The following SLC25A32 variants were observed in gnomAD, a reference collection of about 807,000 sequenced individuals.
The protein encoded by SLC25A32 is solute carrier family 25 member 32, also known as Glycine auxotroph B, complementation of hamster.
In SLC25A32, 32 loss-of-function variants were observed where a neutral mutation model predicts 39.0. That is an observed-to-expected ratio of 0.82 (90% CI 0.62 to 1.10). The LOEUF (loss-of-function observed/expected upper bound fraction) is 1.10, where lower values mean the gene tolerates loss of function less well. Among genes scored for constraint, SLC25A32 ranks in the 50% least tolerant of loss-of-function variants. SLC25A32 has a pLI of 0.00. For missense variants in SLC25A32, 367 were observed against 395.3 expected (o/e 0.93, Z 0.61); for synonymous variants, 166 against 152.4 (o/e 1.09, Z -0.66).
Position 103,400,251 on chromosome 8 carries a change from A to G in SLC25A32, c.*160T>C. 1 of 812,418 alleles carries G rather than the reference A, an allele frequency of 1.2e-6. No homozygotes were observed. The highest frequency in any genetic ancestry group is 1.9e-6 in the Non-Finnish European group (1 of 527,860). 50.3% of individuals were successfully genotyped at this position (812,418 alleles called of 1,614,324 possible). A position where few individuals can be genotyped will look rare whatever the true frequency, so the allele number is the denominator to read the frequency against. On this transcript the variant is annotated 3_prime_UTR_variant, in exon 7 of 7. Coordinates refer to ENST00000297578, the MANE Select transcript of SLC25A32 (RefSeq NM_030780.5). ...TATATGGGGAAGGCAAAAAGCAAGA[A>G]AAACATTGCAGGAGACTTAGCAGTT...
intron 6 of SLC25A32, 46 bp downstream of exon 6, chr8:103,401,470 C>A: frequency 6.3e-7 from 1 of 1,581,448 alleles, no homozygotes; most frequent in South Asian, 1.2e-5. Context: ...CTAAGATATG[C>A]AAGGTACCTT....
In SLC25A32 at chr8:103,415,060, G is replaced by A. The variant is rs555069499; in HGVS notation, c.-123C>T. The A allele has an allele frequency of 1.9e-6, 3 of 1,602,240 alleles. No homozygotes were observed. Among genetic ancestry groups the A allele is most frequent in the South Asian group, 2.2e-5 (2 of 90,408 alleles). ...AACCCCACCTCCGGGACCAACGAGA[G>A]GACTCTTATGCCCAAGGCGCGTGAG... On this transcript the variant is annotated 5_prime_UTR_variant, in exon 1 of 7. Transcript: ENST00000297578.
Position 103,414,809 on chromosome 8 carries a change from GAGCGGATGC to G in SLC25A32, c.120_128del (p.His41_Leu43del). On this transcript the variant is annotated inframe_deletion, in exon 1 of 7. Coordinates refer to ENST00000297578, the MANE Select transcript of SLC25A32 (RefSeq NM_030780.5). ...CGGCGAAGCGGATCTTCACGAGGTC[GAGCGGATGC>G]AGCGCAAGGTTGGATAAGACGCCGC... is the stretch of plus-strand genomic sequence containing the variant. 2 of 1,613,808 alleles carry G rather than the reference GAGCGGATGC, an allele frequency of 1.2e-6. No individual in the cohort carries two copies. Among genetic ancestry groups the G allele is most frequent in the Non-Finnish European group, 1.7e-6 (2 of 1,180,046 alleles).
chr8:103,409,179 T>C (rs977683115), intron 1 of SLC25A32, among the ~76,000 whole-genome samples: 8 of 152,144 alleles, frequency 5.3e-5, no homozygotes, highest in East Asian at 1.9e-4. Context: ...AAGTAGAGTA[T>C]TAAGTATCTC....
intron 1 of SLC25A32, among the ~76,000 whole-genome samples, chr8:103,413,723 G>A (rs927973952): frequency 1.3e-5 from 2 of 152,096 alleles, no homozygotes; most frequent in Non-Finnish European, 2.9e-5. Context: ...AATTTTCGAT[G>A]ATTTTCCTTC....
intron 6 of SLC25A32, 59 bp downstream of exon 6, chr8:103,401,457 G>A: frequency 2.6e-6 from 4 of 1,511,016 alleles, no homozygotes; most frequent in Non-Finnish European, 3.6e-6. Flanking sequence ...TCAACAGGAT[G>A]GTCTAAGATA....
intron 1 of SLC25A32, among the ~76,000 whole-genome samples, chr8:103,413,370 T>C (rs1432017103): frequency 6.6e-6 from 1 of 152,176 alleles, no homozygotes; most frequent in Non-Finnish European, 1.5e-5. Context: ...CAGGTACTTA[T>C]AGAGGTAATA....
chr8:103,401,716 C>T, intron 5 of SLC25A32, 55 bp from the exon 6 acceptor site: 1 of 1,444,922 alleles, frequency 6.9e-7, no homozygotes, highest in Non-Finnish European at 9.3e-7. Context: ...TTTAAAAATA[C>T]AGAAGTAAAA....
At position 103,399,073 on chromosome 8, in the gene SLC25A32, G is replaced by A. The variant is rs978592629; in HGVS notation, c.*1338C>T. ...GTATTCTGGCATCCTTTGGGTACAGGCCCTTTTATATTTATAGATGTCTAC... is the reference window on the plus strand; with the variant it reads ...GTATTCTGGCATCCTTTGGGTACAGACCCTTTTATATTTATAGATGTCTAC... On this transcript the variant is annotated 3_prime_UTR_variant, in exon 7 of 7. Coordinates refer to ENST00000297578, the MANE Select transcript of SLC25A32 (RefSeq NM_030780.5). 8 of 152,076 alleles carry A rather than the reference G, an allele frequency of 5.3e-5. No individual in the cohort carries two copies. The highest frequency in any genetic ancestry group is 1.9e-4 in the African/African-American group (8 of 41,408). The allele number at this position is 152,076 out of a possible 1,614,324, so 9.4% of individuals were successfully genotyped here.
At chr8:103,408,593 C>A (rs1406728412) in intron 1 of SLC25A32, among the ~76,000 whole-genome samples, 1 of 152,066 alleles carries the variant, frequency 6.6e-6, no homozygotes, top group African/African-American at 2.4e-5. Flanking sequence ...CCTGGAAATT[C>A]TTTCTATCCT....
At position 103,400,089 on chromosome 8, in the gene SLC25A32, C is replaced by T. The variant is rs565851271; in HGVS notation, c.*322G>A. The T allele has an allele frequency of 5.1e-4, 157 of 307,142 alleles. 1 individual carries two copies. In the South Asian group the frequency reaches 5.9e-3, roughly 12 times the overall value. 19.0% of individuals were successfully genotyped at this position (307,142 alleles called of 1,614,324 possible). A position where few individuals can be genotyped will look rare whatever the true frequency, so the allele number is the denominator to read the frequency against. ...GTAAGCTCACAAAAAGAAGTACATT[C>T]ATCTAATCCATTTAGCAAATGTTGC... On this transcript the variant is annotated 3_prime_UTR_variant, in exon 7 of 7. Coordinates refer to ENST00000297578, the MANE Select transcript of SLC25A32 (RefSeq NM_030780.5).
chr8:103,404,272 C>G (rs1019524080), intron 3 of SLC25A32, among the ~76,000 whole-genome samples: 1 of 152,156 alleles, frequency 6.6e-6, no homozygotes, highest in Non-Finnish European at 1.5e-5. Context: ...GAAATCTGCA[C>G]AGAGTAATCA....
chr8:103,412,328 A>G (rs930964196), intron 1 of SLC25A32, among the ~76,000 whole-genome samples: 1 of 152,220 alleles, frequency 6.6e-6, no homozygotes, highest in Non-Finnish European at 1.5e-5. Flanking sequence ...TTTAACTTGC[A>G]GATTAGGCTT....
intron 1 of SLC25A32, among the ~76,000 whole-genome samples, chr8:103,409,014 T>C (rs1193816707): frequency 3.9e-5 from 6 of 152,178 alleles, no homozygotes. Context: ...TTCATCTCTC[T>C]GTAGGAAACA....
chr8:103,406,145 T>C (rs553949334), intron 2 of SLC25A32, among the ~76,000 whole-genome samples: 3 of 151,768 alleles, frequency 2.0e-5, no homozygotes, highest in Non-Finnish European at 2.9e-5. Context: ...TACACACATA[T>C]ATATGTCAAG....
At chr8:103,409,006 C>T (rs576275228) in intron 1 of SLC25A32, among the ~76,000 whole-genome samples, 2 of 152,284 alleles carry the variant, frequency 1.3e-5, no homozygotes, top group African/African-American at 4.8e-5. Context: ...CTTTTCATTT[C>T]ATCTCTCTGT....
chr8:103,402,066 T>C lies in SLC25A32; in HGVS notation c.553-12A>G, dbSNP rs759996940. The C allele has an allele frequency of 4.4e-6, 7 of 1,574,290 alleles. No individual in the cohort carries two copies. The highest frequency in any genetic ancestry group is 2.3e-5 in the East Asian group (1 of 44,036). ...CCAGGAACAAATCCCTACAAGGGAA[T>C]GATTTTTAAAAAGCAAAACAACATA... On this transcript the variant is annotated splice_polypyrimidine_tract_variant and intron_variant, in intron 4 of 6. Transcript: ENST00000297578.
Position 103,401,630 on chromosome 8 carries a change from A to C in SLC25A32, c.698T>G (p.Leu233Arg). 3 of 1,613,300 alleles carry C rather than the reference A, an allele frequency of 1.9e-6. No homozygotes were observed. The highest frequency in any genetic ancestry group is 2.5e-6 in the Non-Finnish European group (3 of 1,179,572). The change falls in exon 6 of 7, where the codon CTA (leucine) becomes CGA (arginine). Residue 233 changes from leucine (L) to arginine (R), a missense_variant. Coordinates refer to ENST00000297578, the MANE Select transcript of SLC25A32 (RefSeq NM_030780.5). ...TGCTGCGACAGCAAATATTTTGGAT[A>C]GTGCTGCAACAGATATATATTCTAC... ...STVEYISVAA[L>R]SKIFAVAATY...
chr8:103,408,640 G>GAAA (rs2130449597), intron 1 of SLC25A32, among the ~76,000 whole-genome samples: 1 of 152,202 alleles, frequency 6.6e-6, no homozygotes, highest in South Asian at 2.1e-4. Flanking sequence ...GTAGAAAGTA[G>GAAA]AAAAGCATTT....
Sources: gnomAD v4.1 joint callset for allele counts (sites outside exome capture counted in the v4.1 genomes callset) on GRCh38, gnomAD v4.1.1 for gene constraint, MANE v1.5 for transcripts, NCBI Gene and HGNC (gene_info 2026-07-23, HGNC 2026-07-21) for gene names.